Variants in ELAVL4 observed in about 807,000 individuals in gnomAD.
The protein encoded by ELAVL4 is ELAV like RNA binding protein 4, also known as ELAV-like protein 4.
ELAVL4 carries 1 observed loss-of-function variant against 35.6 expected under a neutral mutation model. The ratio of observed to expected loss-of-function variants is 0.03; its 90% CI spans 0.01 to 0.13. ELAVL4 has a LOEUF of 0.13. Ranked by LOEUF, ELAVL4 falls within the 10% of genes least tolerant of loss-of-function variation. The pLI is 1.00. For missense variants in ELAVL4, 267 were observed against 464.9 expected, an observed-to-expected ratio of 0.57 and a Z score of 3.91; for synonymous variants, 156 against 171.0, an observed-to-expected ratio of 0.91 and a Z score of 0.69.
chr1:50,197,401 A>T, intron 5 of ELAVL4, 28 bp from the exon 6 acceptor site: 1 of 1,570,674 alleles, frequency 6.4e-7, no homozygotes, highest in Non-Finnish European at 8.6e-7. Context: ...GTGAGGCATT[A>T]ACCCAGAGAC....
In ELAVL4 at chr1:50,075,774, ATT is replaced by A. The variant is rs1458768486; in HGVS notation, c.18+27593_18+27594del. 3.3e-5 allele frequency among the ~76,000 whole-genome samples: 5 copies of A among 152,284 alleles called. No individual in the cohort carries two copies. In the East Asian group the frequency reaches 7.7e-4, roughly 24 times the overall value. On this transcript the variant is annotated intron_variant, in intron 1 of 6. Transcript: ENST00000448907. ...AACCCGTCATAAGTTGAAAATACAT[ATT>A]GTCAGCTGAAATTGCTTTTTGACTT...
chr1:50,093,585 AAT>A lies in ELAVL4; in HGVS notation c.18+45405_18+45406del, dbSNP rs762532776. 1.4e-4 allele frequency among the ~76,000 whole-genome samples: 21 copies of A among 152,310 alleles called. 1 individual carries two copies. Among genetic ancestry groups the A allele is most frequent in the East Asian group, 1.3e-3 (7 of 5,188 alleles). Reference sequence around the variant, plus strand: ...TGCCTGTTGTCTTGTTGTAATTATTAATAGAGACTCCTTGCACTCTCAAAAAT... The same window carrying A: ...TGCCTGTTGTCTTGTTGTAATTATTAAGAGACTCCTTGCACTCTCAAAAAT... On this transcript the variant is annotated intron_variant, in intron 1 of 6. Transcript: ENST00000448907.
Position 50,109,016 on chromosome 1 carries a change from C to CGCGGCG in ELAVL4, c.-174_-173insGCGGCG. 1 of 905,792 alleles carries CGCGGCG rather than the reference C, an allele frequency of 1.1e-6. No homozygotes were observed. The highest frequency in any genetic ancestry group is 1.3e-6 in the Non-Finnish European group (1 of 761,406). The allele number at this position is 905,792 out of a possible 1,614,324, so 56.1% of individuals were successfully genotyped here. A position where few individuals can be genotyped will look rare whatever the true frequency, so the allele number is the denominator to read the frequency against. On this transcript the variant is annotated 5_prime_UTR_variant, in exon 1 of 7. Coordinates refer to ENST00000371824, the MANE Select transcript of ELAVL4 (RefSeq NM_001144774.3). ...CTCCTTTTCTTTTTTTTCTTTCTCT[C>CGCGGCG]CCCCGCCCACCCCCCCAAAAATAAT...
At chr1:50,095,794 C>T (rs1260572571) in intron 1 of ELAVL4, among the ~76,000 whole-genome samples, 3 of 152,148 alleles carry the variant, frequency 2.0e-5, no homozygotes, top group African/African-American at 4.8e-5. Context: ...GGGGGCAAAC[C>T]GTCACATTAT....
At chr1:50,113,007 A>G (rs996561246) in intron 1 of ELAVL4, among the ~76,000 whole-genome samples, 2 of 152,122 alleles carry the variant, frequency 1.3e-5, no homozygotes, top group African/African-American at 4.8e-5. Context: ...TTAGTCTTGA[A>G]ATTGGATTTG....
At chr1:50,119,036 A>AAAAAGAAAGAAAG (rs1469155235) in intron 1 of ELAVL4, among the ~76,000 whole-genome samples, 2 of 127,174 alleles carry the variant, frequency 1.6e-5, no homozygotes, top group African/African-American at 3.1e-5. Flanking sequence ...GAAAGAAAGA[A>AAAAAGAAAGAAAG]AAAGAAAGAA....
intron 1 of ELAVL4, among the ~76,000 whole-genome samples, chr1:50,066,104 A>G (rs1664250903): frequency 6.6e-6 from 1 of 152,202 alleles, no homozygotes; most frequent in Admixed American, 6.5e-5. Flanking sequence ...CAAAGGGCAT[A>G]GTTATAGGTA....
intron 1 of ELAVL4, among the ~76,000 whole-genome samples, chr1:50,122,111 G>A (rs1669135262): frequency 6.6e-6 from 1 of 152,036 alleles, no homozygotes. Flanking sequence ...ATTACAGCCA[G>A]TAATTGGTTG....
intron 1 of ELAVL4, among the ~76,000 whole-genome samples, chr1:50,132,841 A>G (rs921062211): frequency 6.6e-6 from 1 of 152,192 alleles, no homozygotes; most frequent in Non-Finnish European, 1.5e-5. Context: ...GTAAAAACAA[A>G]ACAGAGTTGA....
intron 1 of ELAVL4, among the ~76,000 whole-genome samples, chr1:50,112,646 G>A (rs192612858): frequency 4.7e-4 from 71 of 152,204 alleles, no homozygotes; most frequent in Admixed American, 1.2e-3. Flanking sequence ...TGAGGAAGTA[G>A]CTGAAAAATT....
intron 2 of ELAVL4, among the ~76,000 whole-genome samples, chr1:50,161,512 AC>A (rs1557808240): frequency 6.6e-6 from 1 of 152,172 alleles, no homozygotes; most frequent in Non-Finnish European, 1.5e-5. Context: ...AGTACTTGAT[AC>A]CAGCTTTTAT....
intron 1 of ELAVL4, among the ~76,000 whole-genome samples, chr1:50,084,922 A>C (rs1334228643): frequency 2.6e-5 from 4 of 152,086 alleles, no homozygotes; most frequent in Admixed American, 6.6e-5. Flanking sequence ...CTTCACCTTT[A>C]TAGGTCTGGG....
chr1:50,196,598 A>G (rs1212590735), intron 5 of ELAVL4, among the ~76,000 whole-genome samples: 2 of 152,216 alleles, frequency 1.3e-5, no homozygotes, highest in Admixed American at 6.5e-5. Flanking sequence ...AGGTCCTTCT[A>G]TCTAGGATAG....
chr1:50,088,408 C>A (rs990676259), intron 1 of ELAVL4, among the ~76,000 whole-genome samples: 1 of 152,168 alleles, frequency 6.6e-6, no homozygotes, highest in Non-Finnish European at 1.5e-5. Flanking sequence ...ACCATAGAAT[C>A]CTTTTGGGAG....
intron 1 of ELAVL4, among the ~76,000 whole-genome samples, chr1:50,081,823 C>T (rs1195873888): frequency 1.3e-5 from 2 of 152,140 alleles, no homozygotes; most frequent in Admixed American, 6.5e-5. Flanking sequence ...AGCTACCCCT[C>T]CCCTAGTACC....
At chr1:50,134,888 A>G (rs1347378541) in intron 1 of ELAVL4, among the ~76,000 whole-genome samples, 1 of 152,152 alleles carries the variant, frequency 6.6e-6, no homozygotes, top group Non-Finnish European at 1.5e-5. Context: ...CTTAGGCCCA[A>G]AATGAAGCTC....
chr1:50,191,697 G>A (rs1217446239), intron 3 of ELAVL4, among the ~76,000 whole-genome samples: 2 of 152,072 alleles, frequency 1.3e-5, no homozygotes, highest in Non-Finnish European at 2.9e-5. Context: ...TTTAGGAGAA[G>A]GTGAGATTAG....
intron 2 of ELAVL4, among the ~76,000 whole-genome samples, chr1:50,169,955 C>G (rs770053903): frequency 6.6e-6 from 1 of 152,106 alleles, no homozygotes. Context: ...TCCCTGAATG[C>G]GGGGACAATT....
chr1:50,068,576 C>A (rs1280738068), intron 1 of ELAVL4, among the ~76,000 whole-genome samples: 1 of 152,200 alleles, frequency 6.6e-6, no homozygotes, highest in East Asian at 1.9e-4. Context: ...TCATCTGCCT[C>A]AGTGTCTGGC....
Sources: gnomAD v4.1 joint callset for allele counts (sites outside exome capture counted in the v4.1 genomes callset) on GRCh38, gnomAD v4.1.1 for gene constraint, MANE v1.5 for transcripts, NCBI Gene and HGNC (gene_info 2026-07-23, HGNC 2026-07-21) for gene names.